TXLNB: variants seen among roughly 807,000 people sequenced by gnomAD.
The protein encoded by TXLNB is taxilin beta.
TXLNB carries 37 observed loss-of-function variants against 57.4 expected under a neutral mutation model. That is an observed-to-expected ratio of 0.64 (90% CI 0.50 to 0.85). The LOEUF is 0.85. Among genes scored for constraint, TXLNB ranks in the 40% least tolerant of loss-of-function variants. TXLNB has a pLI of 0.00. For missense variants in TXLNB, 848 were observed against 825.6 expected, an observed-to-expected ratio of 1.03 and a Z score of -0.33; for synonymous variants, 302 against 309.6, an observed-to-expected ratio of 0.98 and a Z score of 0.26.
the TXLNB span, among the ~76,000 whole-genome samples, chr6:139,228,947 C>T: frequency 1.7e-3 from 254 of 152,300 alleles, no homozygotes; most frequent in African/African-American, 5.9e-3. Context: ...TCAAGTGTTA[C>T]ACTGTTTTAG....
intron 3 of TXLNB, among the ~76,000 whole-genome samples, chr6:139,272,634 A>G (rs1256490957): frequency 6.6e-6 from 1 of 152,252 alleles, no homozygotes; most frequent in Non-Finnish European, 1.5e-5. Flanking sequence ...TAAGCTGCTC[A>G]TAGTATAGAT....
the TXLNB span, among the ~76,000 whole-genome samples, chr6:139,223,059 T>A: frequency 2.0e-5 from 3 of 152,190 alleles, no homozygotes; most frequent in Admixed American, 2.0e-4. Context: ...TTTACCAAGA[T>A]TGACTGTATG....
At chr6:139,252,868 G>C (rs1041806462) in intron 7 of TXLNB, among the ~76,000 whole-genome samples, 1 of 152,162 alleles carries the variant, frequency 6.6e-6, no homozygotes, top group African/African-American at 2.4e-5. Flanking sequence ...GCAGGTGCCT[G>C]TAGTCCCGGC....
the TXLNB span, among the ~76,000 whole-genome samples, chr6:139,318,027 TG>T: frequency 3.3e-5 from 5 of 151,838 alleles, no homozygotes; most frequent in African/African-American, 4.8e-5. Flanking sequence ...TCCCACACTT[TG>T]GGAGGCCGAG....
chr6:139,210,927 C>T, the TXLNB span, among the ~76,000 whole-genome samples: 1 of 152,334 alleles, frequency 6.6e-6, no homozygotes. Flanking sequence ...GGCAGTGAGG[C>T]TGGGGGAGGG....
intron 1 of TXLNB, 36 bp from the exon 2 acceptor site, chr6:139,288,949 C>G: frequency 6.8e-7 from 1 of 1,463,304 alleles, no homozygotes; most frequent in Non-Finnish European, 9.4e-7. Context: ...ATGTAGCTAA[C>G]CTACTTGCTA....
the TXLNB span, chr6:139,176,974 G>C: frequency 1.1e-6 from 1 of 872,716 alleles, no homozygotes; most frequent in Non-Finnish European, 2.0e-6. The surrounding 1 kb of genome is among the most constrained non-coding windows in gnomAD (Gnocchi z 4.5). Flanking sequence ...TGGGAAGCCG[G>C]TGATCGACGT....
chr6:139,222,318 T>C, the TXLNB span, among the ~76,000 whole-genome samples: 26 of 152,208 alleles, frequency 1.7e-4, no homozygotes, highest in African/African-American at 4.3e-4. Flanking sequence ...TCAGCTTATA[T>C]CATGTTTATA....
In TXLNB at chr6:139,288,563, G is replaced by C. The variant is rs144066122; in HGVS notation, c.337C>G (p.Pro113Ala). 3.0e-5 allele frequency: 49 copies of C among 1,614,166 alleles called. No homozygotes were observed. In the African/African-American group the frequency reaches 5.7e-4, roughly 19 times the overall value. The change falls in exon 2 of 10, where the codon CCC (proline) becomes GCC (alanine). Residue 113 changes from proline to alanine, a missense_variant. Physicochemically the swap from Pro to Ala is conservative, Grantham distance 27 (BLOSUM62 -1). Coordinates refer to ENST00000358430, the MANE Select transcript of TXLNB (RefSeq NM_153235.4). Reference sequence around the variant, plus strand: ...GTGGGTGGCTCTCCAGAAGCAACGGGTTCTCTTCCAGCCTCTTCAGTTGTT... The same window carrying C: ...GTGGGTGGCTCTCCAGAAGCAACGGCTTCTCTTCCAGCCTCTTCAGTTGTT... ...EETTEEAGRE[P>A]VASGEPPTVK... is the part of the protein sequence containing the mutation.
the TXLNB span, among the ~76,000 whole-genome samples, chr6:139,222,763 C>A: frequency 1.2e-4 from 18 of 152,022 alleles, no homozygotes; most frequent in South Asian, 3.5e-3. Context: ...GCCGAGATTG[C>A]GCCACTGCAC....
chr6:139,193,935 G>A, the TXLNB span, among the ~76,000 whole-genome samples: 3 of 147,000 alleles, frequency 2.0e-5, no homozygotes, highest in East Asian at 4.1e-4. Flanking sequence ...TCCACCTCCC[G>A]GGTTCACGCC....
the TXLNB span, chr6:139,174,426 G>C: frequency 6.2e-7 from 1 of 1,614,002 alleles, no homozygotes; most frequent in Non-Finnish European, 8.5e-7. Flanking sequence ...GGACTGCCTG[G>C]AAGGGGTTCA....
the TXLNB span, among the ~76,000 whole-genome samples, chr6:139,202,060 A>G: frequency 2.6e-5 from 4 of 152,242 alleles, no homozygotes; most frequent in African/African-American, 9.6e-5. Context: ...AAATGATGCC[A>G]TATGAAATTT....
chr6:139,296,112 G>A (rs1045976122), upstream of TXLNB, among the ~76,000 whole-genome samples: 6 of 152,206 alleles, frequency 3.9e-5, no homozygotes, highest in South Asian at 2.1e-4. Flanking sequence ...CCCTGCTGTC[G>A]TTCTGGGAAT....
the TXLNB span, among the ~76,000 whole-genome samples, chr6:139,181,261 C>T: frequency 6.6e-6 from 1 of 152,272 alleles, no homozygotes; most frequent in Non-Finnish European, 1.5e-5. Context: ...ACTAGCCATA[C>T]AGTAATCCCC....
the TXLNB span, among the ~76,000 whole-genome samples, chr6:139,208,591 A>G: frequency 5.3e-5 from 8 of 152,192 alleles, no homozygotes; most frequent in Non-Finnish European, 1.2e-4. Flanking sequence ...AACATAATCC[A>G]CCATGATCAA....
At chr6:139,167,278 G>T in the TXLNB span, 2 of 1,611,958 alleles carry the variant, frequency 1.2e-6, no homozygotes, top group East Asian at 4.5e-5. Flanking sequence ...TCCTAAGCCC[G>T]TCGAGACATG....
At chr6:139,306,925 T>C in the TXLNB span, among the ~76,000 whole-genome samples, 1 of 152,240 alleles carries the variant, frequency 6.6e-6, no homozygotes, top group African/African-American at 2.4e-5. Flanking sequence ...TTCTGTGATG[T>C]TTTAAAACAT....
chr6:139,245,822 A>T (rs1776054045), intron 8 of TXLNB, among the ~76,000 whole-genome samples: 1 of 152,072 alleles, frequency 6.6e-6, no homozygotes, highest in Non-Finnish European at 1.5e-5. Context: ...CCTCCTGAGT[A>T]GCTGGGATTA....
Sources: allele counts gnomAD v4.1 joint callset (sites outside exome capture counted in the v4.1 genomes callset), GRCh38; gene constraint gnomAD v4.1.1; non-coding constraint Gnocchi (gnomAD v3.1); transcripts MANE v1.5; gene names NCBI Gene and HGNC (gene_info 2026-07-23, HGNC 2026-07-21).